ELMOD2: variants seen among roughly 807,000 people sequenced by gnomAD.
ELMOD2 encodes ELMO domain containing 2.
ELMOD2 carries 28 observed loss-of-function variants against 41.0 expected under a neutral mutation model. The observed-to-expected ratio is 0.68, with a 90% CI of 0.51 to 0.94. The LOEUF (loss-of-function observed/expected upper bound fraction) is 0.94, where lower values mean the gene tolerates loss of function less well. ELMOD2 is among the 40% of genes least tolerant of loss of function. The pLI is 0.00. For synonymous variants in ELMOD2, 106 were observed against 107.2 expected (o/e 0.99, Z 0.07); for missense variants, 333 against 343.1 (o/e 0.97, Z 0.23).
rs745411173 is a variant in ELMOD2 at position 140,540,277 on chromosome 4, G to T, written c.509G>T (p.Gly170Val). The change falls in exon 6 of 9, where the codon GGC (glycine) becomes GTC (valine). Residue 170 changes from glycine (G) to valine (V), a missense_variant. Transcript: ENST00000323570. The stretch of plus-strand genomic sequence containing the variant: ...CCCAAGACAGACTTCAGAGGCATGG[G>T]CATACTTGGGTTAATCAATCTTGTG... ...DDPKTDFRGM[G>V]ILGLINLVYF... is the part of the protein sequence containing the mutation. 17 of 1,613,980 alleles carry T rather than the reference G, an allele frequency of 1.1e-5. No individual in the cohort carries two copies. Among genetic ancestry groups the T allele is most frequent in the Non-Finnish European group, 1.4e-5 (17 of 1,179,942 alleles).
chr4:140,530,603 A>G (rs763141853), intron 3 of ELMOD2, among the ~76,000 whole-genome samples: 2 of 152,224 alleles, frequency 1.3e-5, no homozygotes, highest in Non-Finnish European at 2.9e-5. Flanking sequence ...TTATTCAAAA[A>G]TAGAAATTGC....
At chr4:140,534,388 G>A (rs954009136) in intron 3 of ELMOD2, among the ~76,000 whole-genome samples, 1 of 152,174 alleles carries the variant, frequency 6.6e-6, no homozygotes, top group African/African-American at 2.4e-5. Context: ...GTTGCTTCTT[G>A]AAGGAAGAAT....
intron 5 of ELMOD2, among the ~76,000 whole-genome samples, chr4:140,539,798 G>C (rs1276381448): frequency 6.6e-6 from 1 of 151,988 alleles, no homozygotes; most frequent in Non-Finnish European, 1.5e-5. Context: ...TCTGATTAGG[G>C]ACTATTAACC....
At chr4:140,527,566 G>A in intron 3 of ELMOD2, 72 bp downstream of exon 3, 2 of 1,174,100 alleles carry the variant, frequency 1.7e-6, no homozygotes, top group Non-Finnish European at 1.2e-6. Context: ...AAAAAAAAGT[G>A]CCCTGCTAGA....
chr4:140,525,715 C>T (rs1468078192), intron 2 of ELMOD2, 145 bp downstream of exon 2: 2 of 786,146 alleles, frequency 2.5e-6, no homozygotes, highest in Non-Finnish European at 3.6e-6. Context: ...GCTTTGACTC[C>T]TTCAGCTCTA....
intron 3 of ELMOD2, among the ~76,000 whole-genome samples, chr4:140,535,169 C>G (rs570461717): frequency 6.8e-6 from 1 of 146,528 alleles, no homozygotes; most frequent in Non-Finnish European, 1.5e-5. Flanking sequence ...CTCTCTCTCT[C>G]TCTCTCTCGC....
At position 140,551,364 on chromosome 4, in the gene ELMOD2, C is replaced by T. The variant is rs1272300442; in HGVS notation, c.*989C>T. 6.6e-6 allele frequency: 1 copy of T among 152,004 alleles called. No homozygotes were observed. Among genetic ancestry groups the T allele is most frequent in the African/African-American group, 2.4e-5 (1 of 41,428 alleles). The allele number at this position is 152,004 out of a possible 1,614,324, so 9.4% of individuals were successfully genotyped here. ...TGACTTACTGTTAACTCTTGCTTCT[C>T]TTTGACTCCATGGTGTTTTTAGATA... On this transcript the variant is annotated 3_prime_UTR_variant, in exon 9 of 9. Coordinates refer to ENST00000323570, the MANE Select transcript of ELMOD2 (RefSeq NM_153702.4).
chr4:140,550,110 T>TTTTGATTA, intron 8 of ELMOD2, 120 bp from the exon 9 acceptor site: 1 of 844,704 alleles, frequency 1.2e-6, no homozygotes, highest in South Asian at 1.7e-5. Context: ...TTGAGATTAC[T>TTTTGATTA]TTTGATTATT....
At chr4:140,525,098 G>A (rs113530062) in intron 1 of ELMOD2, 3 of 191,362 alleles carry the variant, frequency 1.6e-5, no homozygotes, top group African/African-American at 2.4e-5. Flanking sequence ...CAAAGAATGG[G>A]AAGTTAGGAA....
intron 8 of ELMOD2, among the ~76,000 whole-genome samples, chr4:140,548,350 T>G (rs1162873833): frequency 2.0e-5 from 3 of 152,148 alleles, no homozygotes; most frequent in South Asian, 4.1e-4. Context: ...GGGATAGAGA[T>G]AGCAGATGGT....
At chr4:140,546,313 A>C (rs892436627) in intron 8 of ELMOD2, among the ~76,000 whole-genome samples, 1 of 151,734 alleles carries the variant, frequency 6.6e-6, no homozygotes, top group African/African-American at 2.4e-5. Context: ...AGAAAGGGGA[A>C]TATCACACAC....
chr4:140,529,608 C>T (rs1450608069), intron 3 of ELMOD2, among the ~76,000 whole-genome samples: 2 of 152,208 alleles, frequency 1.3e-5, no homozygotes, highest in Non-Finnish European at 2.9e-5. Flanking sequence ...TCTTGCCTTG[C>T]TCACTGGTCA....
chr4:140,546,613 A>T (rs1163625831), intron 8 of ELMOD2, among the ~76,000 whole-genome samples: 1 of 151,574 alleles, frequency 6.6e-6, no homozygotes, highest in Non-Finnish European at 1.5e-5. Context: ...ATAAAATTAA[A>T]AAAAAAAAAA....
chr4:140,549,352 C>CAT (rs10647929), intron 8 of ELMOD2, among the ~76,000 whole-genome samples: 119,770 of 150,414 alleles, frequency 0.8, 48,423 homozygotes, highest in Non-Finnish European at 0.88. Flanking sequence ...TTTAAGTTTA[C>CAT]ATATATGTGT....
At chr4:140,543,187 C>T (rs1387140618) in intron 7 of ELMOD2, among the ~76,000 whole-genome samples, 1 of 151,776 alleles carries the variant, frequency 6.6e-6, no homozygotes, top group Non-Finnish European at 1.5e-5. Context: ...CCCCTGACCC[C>T]TTTTTTATTT....
At chr4:140,550,199 G>A (rs770870166) in intron 8 of ELMOD2, 31 bp from the exon 9 acceptor site, 1 of 1,576,966 alleles carries the variant, frequency 6.3e-7, no homozygotes, top group Non-Finnish European at 8.7e-7. Context: ...CAACATTGAG[G>A]ATTAAATGTT....
chr4:140,542,491 G>A (rs1385180105), intron 6 of ELMOD2, 83 bp from the exon 7 acceptor site: 2 of 992,820 alleles, frequency 2.0e-6, no homozygotes, highest in East Asian at 5.0e-5. Context: ...CTATGATTTT[G>A]ACAGTAGCTT....
chr4:140,528,705 C>T lies in ELMOD2; in HGVS notation c.171+1211C>T, dbSNP rs1181207811. 2.6e-5 allele frequency among the ~76,000 whole-genome samples: 4 copies of T among 152,160 alleles called. No individual in the cohort carries two copies. In the East Asian group the frequency reaches 5.8e-4, roughly 22 times the overall value. On this transcript the variant is annotated intron_variant, in intron 3 of 8. Transcript: ENST00000323570. ...GAGTTGCAAGCATATCTGTTATGTT[C>T]TGAAGAGTAACCTTTAAAATAGGTA...
intron 2 of ELMOD2, among the ~76,000 whole-genome samples, 166 bp downstream of exon 2, chr4:140,525,736 A>G (rs922502553): frequency 6.6e-6 from 1 of 152,222 alleles, no homozygotes; most frequent in Middle Eastern, 3.2e-3. Context: ...AAATTGTATG[A>G]ATTTATAGAA....
Sources: gnomAD v4.1 joint callset for allele counts (sites outside exome capture counted in the v4.1 genomes callset) on GRCh38, gnomAD v4.1.1 for gene constraint, MANE v1.5 for transcripts, NCBI Gene and HGNC (gene_info 2026-07-23, HGNC 2026-07-21) for gene names.